EYS: variants seen among roughly 807,000 people sequenced by gnomAD.
EYS encodes the protein protein eyes shut homolog.
A neutral mutation model predicts 282.1 loss-of-function variants in EYS; 250 were observed. The ratio of observed to expected loss-of-function variants is 0.89; its 90% CI spans 0.80 to 0.98. The LOEUF (loss-of-function observed/expected upper bound fraction) is 0.98, where lower values mean the gene tolerates loss of function less well. Among genes scored for constraint, EYS ranks in the 50% least tolerant of loss-of-function variants. The probability of loss-of-function intolerance (pLI) is 0.00; values close to 1 mark genes in which losing one functional copy is unlikely to be tolerated. For missense variants in EYS, 4,016 were observed against 3,709.0 expected, an observed-to-expected ratio of 1.08 and a Z score of -2.15; for synonymous variants, 1,355 against 1,282.9, an observed-to-expected ratio of 1.06 and a Z score of -1.20.
intron 12 of EYS, among the ~76,000 whole-genome samples, chr6:65,185,075 C>T (rs72881758): frequency 1.3e-5 from 2 of 150,584 alleles, no homozygotes; most frequent in African/African-American, 4.9e-5. Context: ...CTGAATTGCT[C>T]ATAATTTCAA....
intron 2 of EYS, among the ~76,000 whole-genome samples, chr6:65,608,463 C>G (rs1416918322): frequency 6.6e-6 from 1 of 151,934 alleles, no homozygotes; most frequent in South Asian, 2.1e-4. Context: ...TTGTATACTT[C>G]ACAAACACTG....
chr6:64,864,470 C>T (rs1165723805), intron 19 of EYS, among the ~76,000 whole-genome samples: 1 of 144,932 alleles, frequency 6.9e-6, no homozygotes, highest in Non-Finnish European at 1.5e-5. Context: ...ACTGCAACCT[C>T]CAACTCCCTG....
At chr6:65,292,131 C>A (rs1299021423) in intron 12 of EYS, among the ~76,000 whole-genome samples, 1 of 151,614 alleles carries the variant, frequency 6.6e-6, no homozygotes, top group Non-Finnish European at 1.5e-5. Context: ...TTGGGGAAAA[C>A]CATAAATACA....
intron 26 of EYS, among the ~76,000 whole-genome samples, chr6:64,586,107 A>C (rs549516813): frequency 1.8e-4 from 28 of 152,220 alleles, no homozygotes; most frequent in African/African-American, 6.7e-4. Flanking sequence ...ATTAAAAAGT[A>C]GGGTCGTTAG....
At chr6:65,128,709 G>A (rs1775785918) in intron 12 of EYS, among the ~76,000 whole-genome samples, 1 of 151,948 alleles carries the variant, frequency 6.6e-6, no homozygotes, top group African/African-American at 2.4e-5. Context: ...TGGATCAAAA[G>A]AATCAATATT....
chr6:64,458,883 A>T (rs644929), intron 26 of EYS, among the ~76,000 whole-genome samples: 1 of 151,888 alleles, frequency 6.6e-6, no homozygotes, highest in Non-Finnish European at 1.5e-5. Context: ...CAAGGCACAT[A>T]TTTTTTAACA....
chr6:64,789,334 T>G (rs1218074359), intron 22 of EYS, among the ~76,000 whole-genome samples: 1 of 152,136 alleles, frequency 6.6e-6, no homozygotes, highest in African/African-American at 2.4e-5. Flanking sequence ...TACATTCAAT[T>G]TATGATACAT....
intron 30 of EYS, among the ~76,000 whole-genome samples, chr6:64,289,109 C>A (rs1240709370): frequency 6.6e-6 from 1 of 152,010 alleles, no homozygotes; most frequent in Non-Finnish European, 1.5e-5. Context: ...CCTTCATTAT[C>A]TGTTCTGAGC....
At chr6:64,392,805 CA>C (rs1298307115) in intron 28 of EYS, among the ~76,000 whole-genome samples, 4 of 151,130 alleles carry the variant, frequency 2.6e-5, no homozygotes, top group East Asian at 2.0e-4. Flanking sequence ...AATAGAGACA[CA>C]AAAAACCCTT....
At chr6:64,217,290 A>T (rs541102503) in intron 31 of EYS, among the ~76,000 whole-genome samples, 185 of 152,148 alleles carry the variant, frequency 1.2e-3, no homozygotes, top group Non-Finnish European at 2.0e-3. Flanking sequence ...GAACTTTGGG[A>T]GGCCAAGACA....
intron 22 of EYS, among the ~76,000 whole-genome samples, chr6:64,727,978 T>C (rs929551336): frequency 2.6e-5 from 4 of 152,200 alleles, no homozygotes; most frequent in Non-Finnish European, 5.9e-5. Context: ...GAAATTTCCC[T>C]GACCCCTTCA....
chr6:64,884,201 G>A (rs1308607378), intron 19 of EYS, among the ~76,000 whole-genome samples: 1 of 151,422 alleles, frequency 6.6e-6, no homozygotes, highest in Non-Finnish European at 1.5e-5. Context: ...CATAGGTGTA[G>A]GCAAAGCTAA....
chr6:64,797,636 T>C (rs2150005300), intron 22 of EYS, among the ~76,000 whole-genome samples: 1 of 152,122 alleles, frequency 6.6e-6, no homozygotes, highest in South Asian at 2.1e-4. Context: ...AAAATAAAGG[T>C]TACTATAAAA....
chr6:64,394,214 A>T (rs1356104700), intron 28 of EYS, among the ~76,000 whole-genome samples: 1 of 152,166 alleles, frequency 6.6e-6, no homozygotes, highest in African/African-American at 2.4e-5. Context: ...GCCCAAGGTA[A>T]TTTACAGATT....
chr6:65,348,204 A>C (rs1196308813), intron 9 of EYS, among the ~76,000 whole-genome samples: 1 of 151,786 alleles, frequency 6.6e-6, no homozygotes, highest in Admixed American at 6.6e-5. Context: ...GGAAGTGCAG[A>C]TATCTCTTCA....
intron 36 of EYS, among the ~76,000 whole-genome samples, chr6:63,838,051 A>C (rs546506744): frequency 6.6e-6 from 1 of 152,126 alleles, no homozygotes; most frequent in Non-Finnish European, 1.5e-5. Flanking sequence ...ACTTTATCTA[A>C]TTTTTTAAAT....
At chr6:64,962,721 C>A (rs893540191) in intron 14 of EYS, among the ~76,000 whole-genome samples, 4 of 151,978 alleles carry the variant, frequency 2.6e-5, no homozygotes, top group African/African-American at 7.3e-5. Flanking sequence ...GTACTCCAGC[C>A]TGGGCAACAG....
intron 22 of EYS, among the ~76,000 whole-genome samples, chr6:64,757,942 T>G (rs1325149747): frequency 5.9e-5 from 9 of 151,746 alleles, no homozygotes; most frequent in Non-Finnish European, 1.3e-4. Context: ...CCGCCTAAGT[T>G]TTTTTGTATT....
chr6:64,510,180 A>G (rs1388106912), intron 26 of EYS, among the ~76,000 whole-genome samples: 1 of 152,156 alleles, frequency 6.6e-6, no homozygotes, highest in Non-Finnish European at 1.5e-5. Flanking sequence ...CAACATCTGA[A>G]TGAAATTTCA....
Sources: allele counts gnomAD v4.1 joint callset (sites outside exome capture counted in the v4.1 genomes callset), GRCh38; gene constraint gnomAD v4.1.1; transcripts MANE v1.5; gene names NCBI Gene and HGNC (gene_info 2026-07-23, HGNC 2026-07-21).